Variants in TTC17 observed in about 807,000 individuals in gnomAD.
TTC17 encodes the protein tetratricopeptide repeat domain 17, also known as tetratricopeptide repeat protein 17.
In TTC17, 58 loss-of-function variants were observed where a neutral mutation model predicts 143.8. The observed-to-expected ratio is 0.40, with a 90% confidence interval of 0.33 to 0.50. The LOEUF (loss-of-function observed/expected upper bound fraction) is 0.50. Among genes scored for constraint, TTC17 ranks in the 20% least tolerant of loss-of-function variants. TTC17 has a pLI of 0.49. For synonymous variants in TTC17, 501 were observed against 497.8 expected (o/e 1.01, Z -0.09); for missense variants, 1,273 against 1,392.5 (o/e 0.91, Z 1.37).
intron 16 of TTC17, among the ~76,000 whole-genome samples, chr11:43,437,136 G>A (rs1036989606): frequency 6.6e-6 from 1 of 151,718 alleles, no homozygotes; most frequent in Non-Finnish European, 1.5e-5. Flanking sequence ...TCTTTATCTG[G>A]ATGTGCCATA....
chr11:43,437,860 C>A (rs1415845448), intron 16 of TTC17, among the ~76,000 whole-genome samples: 2 of 152,194 alleles, frequency 1.3e-5, no homozygotes, highest in African/African-American at 4.8e-5. Flanking sequence ...GTTATCTACT[C>A]AGAGTTCCCA....
chr11:43,479,257 A>G (rs1324406898), intron 21 of TTC17, among the ~76,000 whole-genome samples: 1 of 152,094 alleles, frequency 6.6e-6, no homozygotes, highest in Non-Finnish European at 1.5e-5. Flanking sequence ...GAAAAAAAAA[A>G]GTTCCTTTAT....
chr11:43,372,116 T>C (rs532855410), intron 1 of TTC17, among the ~76,000 whole-genome samples: 1 of 152,232 alleles, frequency 6.6e-6, no homozygotes, highest in Non-Finnish European at 1.5e-5. Context: ...CACCCTTTTT[T>C]CTGCATTCCT....
chr11:43,411,310 G>C (rs941378518), intron 15 of TTC17, among the ~76,000 whole-genome samples: 8 of 151,996 alleles, frequency 5.3e-5, no homozygotes, highest in African/African-American at 1.9e-4. Flanking sequence ...TCTCTGGTTG[G>C]AGTACTTCAT....
intron 2 of TTC17, among the ~76,000 whole-genome samples, chr11:43,382,554 A>C (rs1003559614): frequency 6.6e-6 from 1 of 152,250 alleles, no homozygotes; most frequent in Non-Finnish European, 1.5e-5. Context: ...TAAAAACTTA[A>C]GGATGTTGCT....
intron 15 of TTC17, among the ~76,000 whole-genome samples, chr11:43,408,411 G>A (rs1268365423): frequency 6.6e-6 from 1 of 152,146 alleles, no homozygotes; most frequent in Non-Finnish European, 1.5e-5. Flanking sequence ...TCAATATTAT[G>A]TAACAGGTCA....
In TTC17 at chr11:43,464,728, G is replaced by T. The variant is rs1947938189; in HGVS notation, c.3030+13463G>T. 2.0e-5 allele frequency among the ~76,000 whole-genome samples: 3 copies of T among 152,226 alleles called. No individual in the cohort carries two copies. In the South Asian group the frequency reaches 6.2e-4, roughly 32 times the overall value. On this transcript the variant is annotated intron_variant, in intron 21 of 23. Transcript: ENST00000039989. Reference sequence around the variant, plus strand: ...TTATAAAGAGGAAAAAAATGGAAATGCAAGCTTTTTTTTTTAAAGAGAGAA... The same window carrying T: ...TTATAAAGAGGAAAAAAATGGAAATTCAAGCTTTTTTTTTTAAAGAGAGAA...
At position 43,373,677 on chromosome 11, in the gene TTC17, C is replaced by G. The variant is rs567430949; in HGVS notation, c.160-5556C>G. Among the ~76,000 whole-genome samples, 44 of 152,050 alleles carry G rather than the reference C, an allele frequency of 2.9e-4. No homozygotes were observed. The South Asian group carries it at 8.9e-3, about 31-fold the overall frequency. On this transcript the variant is annotated intron_variant, in intron 1 of 23. Coordinates refer to ENST00000039989, the MANE Select transcript of TTC17 (RefSeq NM_018259.6). The stretch of plus-strand genomic sequence containing the variant: ...AAAATATTCCTGCCCAGAGTGAGTA[C>G]GAATTTATATGGGCAAATTGAAAGG...
At chr11:43,474,201 T>C (rs1948143416) in intron 21 of TTC17, among the ~76,000 whole-genome samples, 1 of 152,144 alleles carries the variant, frequency 6.6e-6, no homozygotes, top group Non-Finnish European at 1.5e-5. Context: ...TGGAGGCTTC[T>C]GCAGCTGTCA....
chr11:43,474,188 C>G (rs568523910), intron 21 of TTC17, among the ~76,000 whole-genome samples: 10 of 152,186 alleles, frequency 6.6e-5, no homozygotes, highest in Admixed American at 3.9e-4. Flanking sequence ...GGCTTCCACA[C>G]AGTGGAGGCT....
intron 21 of TTC17, chr11:43,489,825 T>G (rs1948442217): frequency 6.6e-6 from 1 of 152,242 alleles, no homozygotes; most frequent in African/African-American, 2.4e-5. Flanking sequence ...AAAATAATGT[T>G]TACTTGTCTA....
intron 21 of TTC17, among the ~76,000 whole-genome samples, chr11:43,463,459 T>TA (rs1429001972): frequency 2.0e-5 from 3 of 151,202 alleles, no homozygotes; most frequent in Admixed American, 6.6e-5. Flanking sequence ...ATATACAATT[T>TA]AAAAAAACAG....
chr11:43,396,212 G>T (rs1273538423), intron 5 of TTC17: 1 of 147,064 alleles, frequency 6.8e-6, no homozygotes, highest in Non-Finnish European at 1.5e-5. Context: ...TTAGCTGTTT[G>T]TTCATGTTTT....
chr11:43,477,802 C>A (rs768085672), intron 21 of TTC17, among the ~76,000 whole-genome samples: 2 of 152,016 alleles, frequency 1.3e-5, no homozygotes, highest in Non-Finnish European at 2.9e-5. Context: ...ATGTGTCCTT[C>A]CTTTTCTAAA....
chr11:43,456,821 A>C (rs1371886933), intron 21 of TTC17, among the ~76,000 whole-genome samples: 1 of 152,190 alleles, frequency 6.6e-6, no homozygotes, highest in Non-Finnish European at 1.5e-5. Context: ...AATCAAACAC[A>C]TGACCAGTTT....
chr11:43,405,637 GT>G lies in TTC17; in HGVS notation c.1595+9del. ...GGAAAACAAAGGACTCAGGCAAGTGGTGATGGATTTGGCAAAGCACCTGATT... is the reference window on the plus strand; with the variant it reads ...GGAAAACAAAGGACTCAGGCAAGTGGGATGGATTTGGCAAAGCACCTGATT... On this transcript the variant is annotated intron_variant, in intron 12 of 23. Transcript: ENST00000039989. 1.2e-6 allele frequency: 2 copies of G among 1,613,738 alleles called. No homozygotes were observed. The highest frequency in any genetic ancestry group is 1.7e-6 in the Non-Finnish European group (2 of 1,179,692).
chr11:43,421,732 A>G (rs1250641747), intron 16 of TTC17, among the ~76,000 whole-genome samples: 1 of 150,644 alleles, frequency 6.6e-6, no homozygotes, highest in African/African-American at 2.4e-5. Flanking sequence ...CAGGGCTCCC[A>G]CTGATTCTAC....
rs1948528756 is a variant in TTC17, at chr11:43,494,663, G to T, written c.*759G>T. 2.0e-5 allele frequency: 3 copies of T among 152,160 alleles called. No individual in the cohort carries two copies. Among genetic ancestry groups the T allele is most frequent in the Non-Finnish European group, 2.9e-5 (2 of 68,010 alleles). The allele number at this position is 152,160 out of a possible 1,614,324, so 9.4% of individuals were successfully genotyped here. Reference sequence around the variant, plus strand: ...CCTATATAACAGGTTTATATATATAGAATATGTATATTTGAAGCCCTCTAC... The same window carrying T: ...CCTATATAACAGGTTTATATATATATAATATGTATATTTGAAGCCCTCTAC... On this transcript the variant is annotated 3_prime_UTR_variant, in exon 24 of 24. Coordinates refer to ENST00000039989, the MANE Select transcript of TTC17 (RefSeq NM_018259.6).
At chr11:43,398,223 T>C in intron 8 of TTC17, 110 bp downstream of exon 8, 1 of 1,336,162 alleles carries the variant, frequency 7.5e-7, no homozygotes, top group East Asian at 2.5e-5. Flanking sequence ...GAAAGAAACC[T>C]CTTCACTACT....
Sources: allele counts gnomAD v4.1 joint callset (sites outside exome capture counted in the v4.1 genomes callset), GRCh38; gene constraint gnomAD v4.1.1; transcripts MANE v1.5; gene names NCBI Gene and HGNC (gene_info 2026-07-23, HGNC 2026-07-21).